Variants in SEC14L1 observed in about 807,000 individuals in gnomAD.
The protein encoded by SEC14L1 is SEC14-like protein 1.
SEC14L1 carries 48 observed loss-of-function variants against 85.3 expected under a neutral mutation model. The ratio of observed to expected loss-of-function variants is 0.56; its 90% CI spans 0.45 to 0.72. The LOEUF (loss-of-function observed/expected upper bound fraction) is 0.72. Ranked by LOEUF, SEC14L1 falls within the 30% of genes least tolerant of loss-of-function variation. The pLI is 0.00. For synonymous variants in SEC14L1, 391 were observed against 355.5 expected, an observed-to-expected ratio of 1.10 and a Z score of -1.12; for missense variants, 682 against 921.4, an observed-to-expected ratio of 0.74 and a Z score of 3.36.
chr17:77,141,181 C>T (rs1973004562), intron 1 of SEC14L1, 74 bp downstream of exon 1: 1 of 152,004 alleles, frequency 6.6e-6, no homozygotes, highest in South Asian at 2.1e-4. Context: ...CGGCGCCTCT[C>T]GGGCGGGCCC....
intron 2 of SEC14L1, among the ~76,000 whole-genome samples, chr17:77,092,004 G>T (rs1971530195): frequency 6.6e-6 from 1 of 151,986 alleles, no homozygotes; most frequent in African/African-American, 2.4e-5. Flanking sequence ...TAGAGACGGG[G>T]TTTCGCCATT....
chr17:77,162,167 G>A (rs2143638525), intron 3 of SEC14L1, among the ~76,000 whole-genome samples: 1 of 151,930 alleles, frequency 6.6e-6, no homozygotes. Context: ...CTCGGCGGGG[G>A]AGGGACCGGC....
At chr17:77,190,731 G>A in intron 3 of SEC14L1, 72 bp from the exon 4 acceptor site, 1 of 1,532,008 alleles carries the variant, frequency 6.5e-7, no homozygotes, top group Non-Finnish European at 9.0e-7. Context: ...GTTCCAGGGA[G>A]AACACAGTCA....
chr17:77,205,203 T>G, intron 10 of SEC14L1, 73 bp from the exon 11 acceptor site: 1 of 1,310,122 alleles, frequency 7.6e-7, no homozygotes, highest in Non-Finnish European at 1.1e-6. Context: ...TTAGTGTCCC[T>G]CTTCCATAGC....
chr17:77,173,360 C>CGTGA (rs1567909019), intron 3 of SEC14L1, among the ~76,000 whole-genome samples: 2 of 110,288 alleles, frequency 1.8e-5, no homozygotes, highest in African/African-American at 3.7e-5. Context: ...GGGGGCACAA[C>CGTGA]GTGAGTCGGG....
intron 13 of SEC14L1, among the ~76,000 whole-genome samples, chr17:77,207,507 A>G (rs544822678): frequency 1.3e-5 from 2 of 151,872 alleles, no homozygotes; most frequent in Admixed American, 1.3e-4. Flanking sequence ...GCTGGAGTGC[A>G]GTGGTGCAAT....
chr17:77,106,359 C>T (rs1416213322), intron 3 of SEC14L1, among the ~76,000 whole-genome samples: 2 of 152,086 alleles, frequency 1.3e-5, no homozygotes, highest in East Asian at 1.9e-4. Context: ...TGGTGAAACC[C>T]CGTCTCTACT....
At position 77,209,213 on chromosome 17, in the gene SEC14L1, C is replaced by G. The variant is rs1598403989; in HGVS notation, c.1477-129C>G. ...TAGTGCAGAGTGTTTTACGACCCTG[C>G]CAGTGTTTTCCATTTTCTCAGCAAC... is the stretch of plus-strand genomic sequence containing the variant. On this transcript the variant is annotated intron_variant, in intron 13 of 16. Coordinates refer to ENST00000436233, the MANE Select transcript of SEC14L1 (RefSeq NM_001143998.2). The G allele has an allele frequency of 5.6e-6, 6 of 1,062,564 alleles. No individual in the cohort carries two copies. In the East Asian group the frequency reaches 1.5e-4, roughly 27 times the overall value. The allele number at this position is 1,062,564 out of a possible 1,614,324, so 65.8% of individuals were successfully genotyped here. A position where few individuals can be genotyped will look rare whatever the true frequency, so the allele number is the denominator to read the frequency against.
intron 3 of SEC14L1, among the ~76,000 whole-genome samples, chr17:77,175,252 C>T (rs563404203): frequency 1.3e-5 from 2 of 152,286 alleles, no homozygotes; most frequent in East Asian, 1.9e-4. Flanking sequence ...AGAGAGATCT[C>T]GGGTTAAAAC....
At position 77,206,573 on chromosome 17, in the gene SEC14L1, G is replaced by A; in HGVS notation, c.1342-155G>A. 8.5e-7 allele frequency: 1 copy of A among 1,172,962 alleles called. No individual in the cohort carries two copies. The highest frequency in any genetic ancestry group is 1.2e-6 in the Non-Finnish European group (1 of 836,332). 72.7% of individuals were successfully genotyped at this position (1,172,962 alleles called of 1,614,324 possible). ...AAGAAAGGGGAAAAACAAAATGTGA[G>A]TGTCCTAATGCCATGCAAATAGACT... On this transcript the variant is annotated intron_variant, in intron 12 of 16. Coordinates refer to ENST00000436233, the MANE Select transcript of SEC14L1 (RefSeq NM_001143998.2). This position sits in a 1 kb window ranked among gnomAD's most constrained non-coding sequence, Gnocchi z 4.3.
At chr17:77,205,367 T>C (rs1976413022) in intron 11 of SEC14L1, 21 bp downstream of exon 11, 6 of 1,600,980 alleles carry the variant, frequency 3.7e-6, no homozygotes, top group Non-Finnish European at 5.1e-6. Context: ...GATTTTGTTT[T>C]TCCTTTCAAC....
intron 9 of SEC14L1, among the ~76,000 whole-genome samples, 158 bp from the exon 10 acceptor site, chr17:77,203,412 C>T (rs888574955): frequency 1.3e-5 from 2 of 152,210 alleles, no homozygotes; most frequent in African/African-American, 4.8e-5. Flanking sequence ...ACACACACCC[C>T]CTATCACACA....
chr17:77,165,874 T>G (rs1974259022), intron 3 of SEC14L1, among the ~76,000 whole-genome samples: 1 of 152,224 alleles, frequency 6.6e-6, no homozygotes, highest in Admixed American at 6.5e-5. Flanking sequence ...GGTGAACACA[T>G]GGATTTTATT....
At chr17:77,170,672 G>A (rs1047155355) in intron 3 of SEC14L1, among the ~76,000 whole-genome samples, 1 of 152,172 alleles carries the variant, frequency 6.6e-6, no homozygotes, top group African/African-American at 2.4e-5. Context: ...TCTGAACAGG[G>A]CAATAGGAAG....
chr17:77,214,839 G>C lies in SEC14L1; in HGVS notation c.*816G>C. 1.0e-6 allele frequency: 1 copy of C among 985,518 alleles called. No individual in the cohort carries two copies. The highest frequency in any genetic ancestry group is 6.1e-5 in the Admixed American group (1 of 16,288). 61.0% of individuals were successfully genotyped at this position (985,518 alleles called of 1,614,324 possible). A position where few individuals can be genotyped will look rare whatever the true frequency, so the allele number is the denominator to read the frequency against. ...TCACCTGCAGTCAGCTCCCAGCCCA[G>C]TGTAGGCCATCTCCTCTGTGCCCTC... On this transcript the variant is annotated 3_prime_UTR_variant, in exon 17 of 17. Transcript: ENST00000436233.
At chr17:77,171,161 G>A (rs1427414288) in intron 3 of SEC14L1, among the ~76,000 whole-genome samples, 2 of 151,762 alleles carry the variant, frequency 1.3e-5, no homozygotes, top group East Asian at 1.9e-4. Context: ...ACCTAGCAAG[G>A]GTATAGATTT....
chr17:77,180,091 ATG>A (rs1974959406), intron 3 of SEC14L1, among the ~76,000 whole-genome samples: 1 of 144,678 alleles, frequency 6.9e-6, no homozygotes, highest in Non-Finnish European at 1.5e-5. Context: ...ATGTTATGTT[ATG>A]TTATGTTACT....
At chr17:77,099,639 G>A (rs916298893) in intron 3 of SEC14L1, among the ~76,000 whole-genome samples, 9 of 152,092 alleles carry the variant, frequency 5.9e-5, no homozygotes, top group Non-Finnish European at 1.5e-5. Flanking sequence ...CTCCTGTAAT[G>A]CCAGCTACTT....
intron 3 of SEC14L1, chr17:77,152,627 C>T (rs1320617936): frequency 2.6e-5 from 4 of 152,126 alleles, no homozygotes; most frequent in East Asian, 1.9e-4. Context: ...GCAATAATCA[C>T]GTCTCGGGTA....
Sources: allele counts gnomAD v4.1 joint callset (sites outside exome capture counted in the v4.1 genomes callset), GRCh38; gene constraint gnomAD v4.1.1; non-coding constraint Gnocchi (gnomAD v3.1); transcripts MANE v1.5; gene names NCBI Gene and HGNC (gene_info 2026-07-23, HGNC 2026-07-21).